Variants in CACNA2D3 observed in about 807,000 individuals in gnomAD.
CACNA2D3 encodes voltage-dependent calcium channel subunit alpha-2/delta-3.
Under a neutral mutation model 160.6 loss-of-function variants are expected in CACNA2D3, and 60 were observed. The observed-to-expected ratio is 0.37, with a 90% CI of 0.30 to 0.46. CACNA2D3 has a LOEUF of 0.46. CACNA2D3 is among the 20% of genes least tolerant of loss of function. The pLI, the probability that CACNA2D3 is intolerant of heterozygous loss-of-function variation, is 1.00. For synonymous variants in CACNA2D3, 558 were observed against 492.9 expected, an observed-to-expected ratio of 1.13 and a Z score of -1.75; for missense variants, 1,205 against 1,365.0, an observed-to-expected ratio of 0.88 and a Z score of 1.85.
chr3:54,539,085 G>A (rs1347028638), intron 5 of CACNA2D3, among the ~76,000 whole-genome samples: 1 of 152,206 alleles, frequency 6.6e-6, no homozygotes, highest in Non-Finnish European at 1.5e-5. Context: ...ATCCATAGCT[G>A]TCTTAGGATA....
intron 8 of CACNA2D3, among the ~76,000 whole-genome samples, 155 bp from the exon 9 acceptor site, chr3:54,581,648 C>A (rs1702679860): frequency 6.6e-6 from 1 of 152,220 alleles, no homozygotes; most frequent in South Asian, 2.1e-4. Context: ...TCATAGTTGT[C>A]TAGAGGGACA....
intron 35 of CACNA2D3, among the ~76,000 whole-genome samples, chr3:55,056,537 A>G (rs1704365718): frequency 1.3e-5 from 2 of 152,236 alleles, no homozygotes; most frequent in South Asian, 4.1e-4. Flanking sequence ...CATAATAGCT[A>G]AGTTATGGAA....
chr3:54,801,797 T>C (rs1346037271), intron 13 of CACNA2D3, among the ~76,000 whole-genome samples: 2 of 151,860 alleles, frequency 1.3e-5, no homozygotes, highest in Non-Finnish European at 1.5e-5. Context: ...AAACATACCA[T>C]TGGAAGAAAA....
chr3:54,406,442 T>C (rs573434934), intron 4 of CACNA2D3, among the ~76,000 whole-genome samples: 3 of 152,118 alleles, frequency 2.0e-5, no homozygotes, highest in Non-Finnish European at 4.4e-5. Flanking sequence ...GTACAATGTG[T>C]GTACACATAT....
intron 35 of CACNA2D3, among the ~76,000 whole-genome samples, chr3:55,026,991 G>A (rs552244695): frequency 0.023 from 3,500 of 151,024 alleles, 120 homozygotes; most frequent in African/African-American, 0.072. Context: ...GCGCATGCAC[G>A]CACACACACA....
chr3:54,542,852 C>T (rs193166366), intron 5 of CACNA2D3, among the ~76,000 whole-genome samples: 3 of 152,010 alleles, frequency 2.0e-5, no homozygotes, highest in Admixed American at 6.6e-5. Flanking sequence ...AGTTGACACT[C>T]AATATTAAGG....
chr3:54,928,035 C>G, intron 27 of CACNA2D3: 2 of 868,886 alleles, frequency 2.3e-6, no homozygotes, highest in East Asian at 2.5e-5. Context: ...GAACCCTGCC[C>G]TTGCTTTTCT....
At chr3:54,886,014 C>G (rs1434316564) in intron 23 of CACNA2D3, among the ~76,000 whole-genome samples, 5 of 152,190 alleles carry the variant, frequency 3.3e-5, no homozygotes, top group African/African-American at 1.2e-4. Flanking sequence ...CACGTAGCCT[C>G]TCAGTGTGGT....
At chr3:54,686,068 G>A (rs954039763) in intron 11 of CACNA2D3, among the ~76,000 whole-genome samples, 9 of 152,214 alleles carry the variant, frequency 5.9e-5, no homozygotes, top group African/African-American at 2.2e-4. Context: ...TAGCAGGACT[G>A]TGTTAATACA....
rs115339798 is a variant in CACNA2D3 at position 54,487,893 on chromosome 3, A to G, written c.382-15599A>G. Reference sequence around the variant, plus strand: ...TAGTGGCTGTTGTATCAGACAGTACAGGTACAGAACATGCCCATCATCATA... The same window carrying G: ...TAGTGGCTGTTGTATCAGACAGTACGGGTACAGAACATGCCCATCATCATA... On this transcript the variant is annotated intron_variant, in intron 4 of 37. Coordinates refer to ENST00000474759, the MANE Select transcript of CACNA2D3 (RefSeq NM_018398.3). Among the ~76,000 whole-genome samples the G allele has an allele frequency of 5.0e-3, 755 of 152,286 alleles. 9 individuals are homozygous for G. The highest frequency in any genetic ancestry group is 0.014 in the East Asian group (71 of 5,170).
In CACNA2D3 at chr3:54,891,400, G is replaced by C; in HGVS notation, c.2196G>C (p.Thr732=). 1.2e-6 allele frequency: 2 copies of C among 1,613,858 alleles called. No individual in the cohort carries two copies. Among genetic ancestry groups the C allele is most frequent in the Non-Finnish European group, 1.7e-6 (2 of 1,179,874 alleles). Residue 732 remains threonine (T), a synonymous_variant, in exon 25 of 38, where the codon ACG becomes ACC. Coordinates refer to ENST00000474759, the MANE Select transcript of CACNA2D3 (RefSeq NM_018398.3). The stretch of plus-strand genomic sequence containing the variant: ...AGGTTGCCTTCCTCGGCACTCGCAC[G>C]GGCCTCTCCAGAATCAACCTGTTTG... ...GVEVAFLGTR[T]GLSRINLFVG... is the part of the protein sequence containing the mutation.
intron 4 of CACNA2D3, among the ~76,000 whole-genome samples, chr3:54,419,436 T>C (rs1416442063): frequency 6.6e-6 from 1 of 152,308 alleles, no homozygotes; most frequent in East Asian, 1.9e-4. Flanking sequence ...TATATATGAG[T>C]AGAGAAACAC....
chr3:54,724,044 A>G (rs1287669522), intron 11 of CACNA2D3, among the ~76,000 whole-genome samples: 2 of 152,166 alleles, frequency 1.3e-5, no homozygotes, highest in East Asian at 1.9e-4. Context: ...GCAGACACAC[A>G]TAGGCTGAAA....
intron 5 of CACNA2D3, among the ~76,000 whole-genome samples, chr3:54,531,818 C>A (rs189158021): frequency 6.6e-6 from 1 of 152,204 alleles, no homozygotes; most frequent in South Asian, 2.1e-4. Context: ...AAATAAAAAA[C>A]GGATTTTTGT....
intron 3 of CACNA2D3, among the ~76,000 whole-genome samples, chr3:54,354,498 A>G (rs1025834737): frequency 1.3e-5 from 2 of 152,186 alleles, no homozygotes; most frequent in African/African-American, 4.8e-5. Flanking sequence ...GTGAGCTGCA[A>G]GTTAAATGAG....
intron 2 of CACNA2D3, among the ~76,000 whole-genome samples, chr3:54,216,971 G>A (rs897403681): frequency 6.6e-6 from 1 of 152,158 alleles, no homozygotes; most frequent in South Asian, 2.1e-4. Context: ...AATTCCAGGC[G>A]GTGACAAGTG....
chr3:54,383,983 TA>T (rs1559466689), intron 3 of CACNA2D3, among the ~76,000 whole-genome samples: 2 of 152,246 alleles, frequency 1.3e-5, no homozygotes, highest in Non-Finnish European at 2.9e-5. Context: ...TACATATACA[TA>T]CACACATATG....
intron 4 of CACNA2D3, among the ~76,000 whole-genome samples, chr3:54,455,783 T>C (rs908343296): frequency 6.6e-6 from 1 of 152,180 alleles, no homozygotes; most frequent in Non-Finnish European, 1.5e-5. Flanking sequence ...AGTTTCATTC[T>C]TCTACAAATG....
At chr3:54,814,200 C>A in intron 13 of CACNA2D3, among the ~76,000 whole-genome samples, 1 of 152,190 alleles carries the variant, frequency 6.6e-6, no homozygotes, top group Non-Finnish European at 1.5e-5. Context: ...GAAACTCAGG[C>A]ATGACTTCAG....
Sources: allele counts gnomAD v4.1 joint callset (sites outside exome capture counted in the v4.1 genomes callset), GRCh38; gene constraint gnomAD v4.1.1; transcripts MANE v1.5; gene names NCBI Gene and HGNC (gene_info 2026-07-23, HGNC 2026-07-21).